The following ZBTB20 variants were observed in gnomAD, a reference collection of about 807,000 sequenced individuals.
The protein encoded by ZBTB20 is zinc finger and BTB domain containing 20.
ZBTB20 carries 9 observed loss-of-function variants against 56.9 expected under a neutral mutation model. That is an observed-to-expected ratio of 0.16 (90% CI 0.10 to 0.28). The LOEUF is 0.28. Among genes scored for constraint, ZBTB20 ranks in the 10% least tolerant of loss-of-function variants. ZBTB20 has a pLI of 1.00. For synonymous variants in ZBTB20, 417 were observed against 420.7 expected, an observed-to-expected ratio of 0.99 and a Z score of 0.11; for missense variants, 655 against 1,003.0, an observed-to-expected ratio of 0.65 and a Z score of 4.69.
At chr3:115,046,224 G>C (rs1421853448) in intron 2 of ZBTB20, among the ~76,000 whole-genome samples, 3 of 152,076 alleles carry the variant, frequency 2.0e-5, no homozygotes, top group Non-Finnish European at 4.4e-5. Flanking sequence ...CAGATGCTAA[G>C]TCAAAAATTA....
At chr3:114,743,588 C>T (rs2066789158) in intron 5 of ZBTB20, 4 of 154,160 alleles carry the variant, frequency 2.6e-5, no homozygotes, top group East Asian at 3.9e-4. Context: ...ATCCTTAGGG[C>T]AGTGATCCAA....
intron 7 of ZBTB20, among the ~76,000 whole-genome samples, chr3:114,439,664 T>TTA (rs1262004855): frequency 1.3e-5 from 2 of 152,150 alleles, no homozygotes; most frequent in East Asian, 3.8e-4. Flanking sequence ...CTTAGGGACT[T>TTA]TATATATACT....
intron 7 of ZBTB20, among the ~76,000 whole-genome samples, chr3:114,422,538 T>C (rs946333226): frequency 2.0e-5 from 3 of 152,172 alleles, no homozygotes; most frequent in South Asian, 2.1e-4. Flanking sequence ...GCACCCCCAA[T>C]TGTAATTCCC....
At chr3:114,408,964 A>G (rs2087632293) in intron 7 of ZBTB20, among the ~76,000 whole-genome samples, 1 of 151,992 alleles carries the variant, frequency 6.6e-6, no homozygotes, top group South Asian at 2.1e-4. Context: ...TGTTAACCCA[A>G]TTAAGGTCCT....
chr3:114,457,476 T>A (rs1018388212), intron 7 of ZBTB20, among the ~76,000 whole-genome samples: 7 of 152,134 alleles, frequency 4.6e-5, no homozygotes, highest in Admixed American at 4.6e-4. Context: ...AATATACAGA[T>A]CTCTACTAGA....
At chr3:114,375,562 C>G (rs982694902) in intron 10 of ZBTB20, among the ~76,000 whole-genome samples, 1 of 152,132 alleles carries the variant, frequency 6.6e-6, no homozygotes, top group Non-Finnish European at 1.5e-5. Flanking sequence ...AATCACTCCC[C>G]CAGTGGGCAT....
chr3:114,468,054 G>A (rs2092620796), intron 7 of ZBTB20, among the ~76,000 whole-genome samples: 1 of 152,124 alleles, frequency 6.6e-6, no homozygotes, highest in African/African-American at 2.4e-5. Flanking sequence ...TATTTTTTCT[G>A]TTCCAAGATT....
chr3:114,598,317 T>G lies in ZBTB20; in HGVS notation c.-295+95211A>C, dbSNP rs148334411. 8.7e-3 allele frequency among the ~76,000 whole-genome samples: 1,317 copies of G among 152,078 alleles called. 24 individuals are homozygous for G. Among genetic ancestry groups the G allele is most frequent in the African/African-American group, 0.029 (1,216 of 41,508 alleles). ...ATAAAGATTATTAAAATTTCCTTCA[T>G]TATATAAGTAATAGTGTTCACCAAA... On this transcript the variant is annotated intron_variant, in intron 6 of 11. Transcript: ENST00000675478.
intron 7 of ZBTB20, among the ~76,000 whole-genome samples, chr3:114,412,004 T>C (rs1305878873): frequency 6.6e-6 from 1 of 152,132 alleles, no homozygotes; most frequent in Non-Finnish European, 1.5e-5. Flanking sequence ...GATGATCTCA[T>C]GAGGCTTGCT....
chr3:114,325,549 T>C lies in ZBTB20; in HGVS notation c.*13456A>G, dbSNP rs1277071258. On this transcript the variant is annotated 3_prime_UTR_variant, in exon 12 of 12. Coordinates refer to ENST00000675478, the MANE Select transcript of ZBTB20 (RefSeq NM_001348800.3). The stretch of plus-strand genomic sequence containing the variant: ...AGAAATCTTTAATCACAAAGAAGTA[T>C]AGTTAACTTACTAATTCTTTGAATT... The C allele has an allele frequency of 6.6e-6, 1 of 152,166 alleles. No individual in the cohort carries two copies. The highest frequency in any genetic ancestry group is 2.4e-5 in the African/African-American group (1 of 41,444). The allele number at this position is 152,166 out of a possible 1,614,324, so 9.4% of individuals were successfully genotyped here. A position where few individuals can be genotyped will look rare whatever the true frequency, so the allele number is the denominator to read the frequency against.
chr3:114,919,026 G>T (rs1335476484), intron 3 of ZBTB20, among the ~76,000 whole-genome samples: 1 of 152,138 alleles, frequency 6.6e-6, no homozygotes, highest in South Asian at 2.1e-4. Context: ...GAAGTTTGTT[G>T]ATACTTGAGT....
At chr3:114,767,191 T>C (rs1246735680) in intron 5 of ZBTB20, among the ~76,000 whole-genome samples, 1 of 152,068 alleles carries the variant, frequency 6.6e-6, no homozygotes, top group East Asian at 1.9e-4. Context: ...TTGGCTTAGA[T>C]GATGATATTC....
rs140659148 is a variant in ZBTB20 at position 115,016,369 on chromosome 3, T to C, written c.-506-41953A>G. Among the ~76,000 whole-genome samples, 62 of 152,100 alleles carry C rather than the reference T, an allele frequency of 4.1e-4. 1 individual carries two copies. Among genetic ancestry groups the C allele is most frequent in the African/African-American group, 1.3e-3 (55 of 41,542 alleles). ...TTTGTTGCAATTGCTTTTAGCGTTT[T>C]TGTCATGAAATCCTTCCCCATGGCT... On this transcript the variant is annotated intron_variant, in intron 2 of 11. Transcript: ENST00000675478.
At chr3:114,984,995 G>C (rs1227095873) in intron 2 of ZBTB20, among the ~76,000 whole-genome samples, 1 of 151,906 alleles carries the variant, frequency 6.6e-6, no homozygotes, top group East Asian at 1.9e-4. Context: ...TCATCATTCA[G>C]TCCTCAACTC....
Position 114,542,026 on chromosome 3 carries a change from A to T in ZBTB20, c.-294-41635T>A, listed in dbSNP as rs147313059. On this transcript the variant is annotated intron_variant, in intron 6 of 11. Transcript: ENST00000675478. The stretch of plus-strand genomic sequence containing the variant: ...AATGATCATCTGGATGTCTACAGGT[A>T]TTTTGGAAATATGAAACAATGATAA... Among the ~76,000 whole-genome samples, 185 of 152,312 alleles carry T rather than the reference A, an allele frequency of 1.2e-3. 4 individuals carry two copies. In the East Asian group the frequency reaches 0.035, roughly 29 times the overall value.
At chr3:114,929,803 C>T (rs1223127962) in intron 3 of ZBTB20, among the ~76,000 whole-genome samples, 2 of 152,220 alleles carry the variant, frequency 1.3e-5, no homozygotes, top group Non-Finnish European at 2.9e-5. Context: ...ATTAATCTAT[C>T]ATCAGGCTAA....
At chr3:114,669,734 C>A (rs1372314880) in intron 6 of ZBTB20, among the ~76,000 whole-genome samples, 1 of 151,874 alleles carries the variant, frequency 6.6e-6, no homozygotes, top group Non-Finnish European at 1.5e-5. Context: ...CGCAAACATT[C>A]ATTTGTGCAG....
chr3:114,381,729 C>T (rs1207233258), intron 8 of ZBTB20, among the ~76,000 whole-genome samples: 4 of 152,108 alleles, frequency 2.6e-5, no homozygotes, highest in Non-Finnish European at 5.9e-5. Flanking sequence ...AATCTGCCCT[C>T]GCAGAATATG....
rs1052062139 is a variant in ZBTB20 at position 114,328,140 on chromosome 3, C to T, written c.*10865G>A. 5 of 152,104 alleles carry T rather than the reference C, an allele frequency of 3.3e-5. No individual in the cohort carries two copies. Among genetic ancestry groups the T allele is most frequent in the Admixed American group, 2.0e-4 (3 of 15,268 alleles). The allele number at this position is 152,104 out of a possible 1,614,324, so 9.4% of individuals were successfully genotyped here. On this transcript the variant is annotated 3_prime_UTR_variant, in exon 12 of 12. Transcript: ENST00000675478. ...TATTAAGTTTATGTTTAGGCAATCT[C>T]TGGTTGCAAAAACAGACACTTTCAA...
Sources: allele counts gnomAD v4.1 joint callset (sites outside exome capture counted in the v4.1 genomes callset), GRCh38; gene constraint gnomAD v4.1.1; transcripts MANE v1.5; gene names NCBI Gene and HGNC (gene_info 2026-07-23, HGNC 2026-07-21).